Variants in PRCC observed in about 807,000 individuals in gnomAD.
PRCC encodes proline rich mitotic checkpoint control factor.
Under a neutral mutation model 44.0 loss-of-function variants are expected in PRCC, and 10 were observed. The ratio of observed to expected loss-of-function variants is 0.23; its 90% CI spans 0.14 to 0.39. PRCC has a LOEUF of 0.39. PRCC is among the 10% of genes least tolerant of loss of function. PRCC has a pLI of 1.00. For synonymous variants in PRCC, 278 were observed against 259.5 expected (o/e 1.07, Z -0.69); for missense variants, 573 against 624.7 (o/e 0.92, Z 0.88).
Position 156,800,642 on chromosome 1 carries a change from C to T in PRCC, c.*182C>T. The T allele has an allele frequency of 1.6e-6, 1 of 609,272 alleles. No individual in the cohort carries two copies. Among genetic ancestry groups the T allele is most frequent in the South Asian group, 2.1e-5 (1 of 47,480 alleles). The allele number at this position is 609,272 out of a possible 1,614,324, so 37.7% of individuals were successfully genotyped here. On this transcript the variant is annotated 3_prime_UTR_variant, in exon 7 of 7. Transcript: ENST00000271526. ...CTTAACAAGTTAGAAAATTCAGCTC[C>T]TTTCTGTCCTGGAGCTAGCAAAGAC...
intron 3 of PRCC, 42 bp downstream of exon 3, chr1:156,787,216 C>G (rs747759435): frequency 2.6e-6 from 4 of 1,548,170 alleles, no homozygotes; most frequent in Non-Finnish European, 3.5e-6. Context: ...AATGTTGGAA[C>G]ATGGTGGTCA....
chr1:156,776,260 C>T lies in PRCC; in HGVS notation c.469-6022C>T, dbSNP rs193298614. On this transcript the variant is annotated intron_variant, in intron 1 of 6. Coordinates refer to ENST00000271526, the MANE Select transcript of PRCC (RefSeq NM_005973.5). ...GGGCAAGTGCCTGTAGTCCCAGCTA[C>T]CTGGGAGGCTGAGGCAGGAAGATTG... Among the ~76,000 whole-genome samples the T allele has an allele frequency of 6.6e-5, 10 of 152,230 alleles. No homozygotes were observed. The East Asian group carries it at 1.9e-3, about 29-fold the overall frequency.
Position 156,767,752 on chromosome 1 carries a change from C to T in PRCC, c.-20C>T, listed in dbSNP as rs1247006170. 19 of 1,571,664 alleles carry T rather than the reference C, an allele frequency of 1.2e-5. No homozygotes were observed. Among genetic ancestry groups the T allele is most frequent in the Non-Finnish European group, 1.4e-5 (16 of 1,159,968 alleles). ...TAGGCCTCATCTGCCGGCAAGGGCG[C>T]CCGAAACGCGGGAGGCGCCATGTCG... On this transcript the variant is annotated 5_prime_UTR_variant, in exon 1 of 7. Coordinates refer to ENST00000271526, the MANE Select transcript of PRCC (RefSeq NM_005973.5).
intron 5 of PRCC, among the ~76,000 whole-genome samples, chr1:156,795,236 CT>C (rs1652617308): frequency 6.9e-6 from 1 of 145,740 alleles, no homozygotes; most frequent in Non-Finnish European, 1.5e-5. Flanking sequence ...TCCCTCCCTC[CT>C]TTCCTCCTTT....
intron 5 of PRCC, among the ~76,000 whole-genome samples, chr1:156,795,027 G>A (rs1041010408): frequency 1.3e-5 from 2 of 152,150 alleles, no homozygotes; most frequent in African/African-American, 2.4e-5. Flanking sequence ...TGGATGGGGG[G>A]TCTGGTTGCT....
intron 1 of PRCC, among the ~76,000 whole-genome samples, chr1:156,779,128 A>ATATATATATTTTTTTTT (rs1651947127): frequency 2.8e-5 from 1 of 35,876 alleles, no homozygotes; most frequent in African/African-American, 1.2e-4. Context: ...ATATATATAT[A>ATATATATATTTTTTTTT]TTTTTTTTTT....
intron 1 of PRCC, among the ~76,000 whole-genome samples, chr1:156,769,445 C>T (rs1358834015): frequency 6.6e-6 from 1 of 152,134 alleles, no homozygotes; most frequent in Non-Finnish European, 1.5e-5. Context: ...ACTGCTATAA[C>T]CCTAGTACTT....
intron 1 of PRCC, among the ~76,000 whole-genome samples, chr1:156,770,316 T>C (rs1395304343): frequency 6.6e-6 from 1 of 152,246 alleles, no homozygotes; most frequent in Non-Finnish European, 1.5e-5. Context: ...TCGGAACACA[T>C]AATTCCTGCA....
Position 156,767,610 on chromosome 1 carries a change from C to T in PRCC, c.-162C>T, listed in dbSNP as rs149436737. On this transcript the variant is annotated 5_prime_UTR_variant, in exon 1 of 7. Transcript: ENST00000271526. ...TACGCCTTGTTCGGTGGAAATCAGCCGTAGCCATGAGTTTCTGCCGGGGCT... is the reference window on the plus strand; with the variant it reads ...TACGCCTTGTTCGGTGGAAATCAGCTGTAGCCATGAGTTTCTGCCGGGGCT... 1.2e-3 allele frequency: 805 copies of T among 682,464 alleles called. 5 individuals are homozygous for T. Among genetic ancestry groups the T allele is most frequent in the African/African-American group, 8.3e-3 (460 of 55,172 alleles). The allele number at this position is 682,464 out of a possible 1,614,324, so 42.3% of individuals were successfully genotyped here. A position where few individuals can be genotyped will look rare whatever the true frequency, so the allele number is the denominator to read the frequency against.
chr1:156,799,705 G>A (rs1161426058), intron 6 of PRCC, among the ~76,000 whole-genome samples: 1 of 152,180 alleles, frequency 6.6e-6, no homozygotes, highest in Non-Finnish European at 1.5e-5. Flanking sequence ...GAGATGAGCA[G>A]GCATCAGATA....
At chr1:156,797,775 A>G (rs1652708757) in intron 6 of PRCC, among the ~76,000 whole-genome samples, 1 of 152,228 alleles carries the variant, frequency 6.6e-6, no homozygotes, top group East Asian at 1.9e-4. Context: ...GAACATCAAC[A>G]CAAATAATTC....
chr1:156,768,299 G>A, intron 1 of PRCC, 60 bp downstream of exon 1: 2 of 1,484,396 alleles, frequency 1.3e-6, no homozygotes, highest in Non-Finnish European at 1.8e-6. Flanking sequence ...GCTGTAGGAG[G>A]GACATGTGGA....
chr1:156,780,802 A>G (rs1326210155), intron 1 of PRCC, among the ~76,000 whole-genome samples: 1 of 151,936 alleles, frequency 6.6e-6, no homozygotes, highest in Non-Finnish European at 1.5e-5. Flanking sequence ...ATCTTGGCTC[A>G]CTGCAACCTC....
rs76271348 is a variant in PRCC, at chr1:156,774,157, C to CTTTTTTTTTTTTT, written c.468+5942_468+5954dup. Among the ~76,000 whole-genome samples the CTTTTTTTTTTTTT allele has an allele frequency of 8.2e-4, 44 of 53,982 alleles. 10 individuals are homozygous for CTTTTTTTTTTTTT. The highest frequency in any genetic ancestry group is 1.2e-3 in the Non-Finnish European group (36 of 30,994). 35.4% of individuals were successfully genotyped at this position (53,982 alleles called of 152,430 possible). On this transcript the variant is annotated intron_variant, in intron 1 of 6. Coordinates refer to ENST00000271526, the MANE Select transcript of PRCC (RefSeq NM_005973.5). ...GAGTTTCTTTCTTTTTTTGAGTCAC[C>CTTTTTTTTTTTTT]TTTTTTTTTTTTTTTTTTTTTTTTT...
In PRCC at chr1:156,797,293, A is replaced by G. The variant is rs1234388808; in HGVS notation, c.1341A>G (p.Pro447=). ...TCTTGCAGAAGAAAGGTGAGCAGCCAACAGGCCAGCAGCGGCGGAAACACC... is the reference window on the plus strand; with the variant it reads ...TCTTGCAGAAGAAAGGTGAGCAGCCGACAGGCCAGCAGCGGCGGAAACACC... ...KSFSKKKGEQ[P]TGQQRRKHQI... is the part of the protein sequence containing the mutation. The change falls in exon 6 of 7, where the codon CCA becomes CCG. Residue 447 remains proline (P), a synonymous_variant. Coordinates refer to ENST00000271526, the MANE Select transcript of PRCC (RefSeq NM_005973.5). 1.2e-6 allele frequency: 2 copies of G among 1,614,218 alleles called. No individual in the cohort carries two copies. The highest frequency in any genetic ancestry group is 2.2e-5 in the South Asian group (2 of 91,086).
At chr1:156,775,672 G>A (rs906303299) in intron 1 of PRCC, among the ~76,000 whole-genome samples, 29 of 151,876 alleles carry the variant, frequency 1.9e-4, no homozygotes, top group Non-Finnish European at 2.9e-4. Context: ...CACCACCCCC[G>A]GCTAATTTTT....
At chr1:156,785,355 C>A (rs534502861) in intron 2 of PRCC, among the ~76,000 whole-genome samples, 65 of 152,064 alleles carry the variant, frequency 4.3e-4, no homozygotes, top group African/African-American at 1.6e-3. Flanking sequence ...ACTAAAAATA[C>A]AAAAATTAGC....
At chr1:156,799,626 T>C (rs1000093462) in intron 6 of PRCC, among the ~76,000 whole-genome samples, 13 of 152,200 alleles carry the variant, frequency 8.5e-5, no homozygotes, top group African/African-American at 2.9e-4. Context: ...TTGTGGTTTG[T>C]AGGGAAAGGA....
intron 1 of PRCC, among the ~76,000 whole-genome samples, chr1:156,770,922 C>CATG (rs1651610595): frequency 6.6e-6 from 1 of 152,168 alleles, no homozygotes; most frequent in Non-Finnish European, 1.5e-5. Context: ...CAGTAGTGAA[C>CATG]ATGATAGCCC....
Sources: allele counts gnomAD v4.1 joint callset (sites outside exome capture counted in the v4.1 genomes callset), GRCh38; gene constraint gnomAD v4.1.1; transcripts MANE v1.5; gene names NCBI Gene and HGNC (gene_info 2026-07-23, HGNC 2026-07-21).